CPXM2: variants seen among roughly 807,000 people sequenced by gnomAD.
The protein encoded by CPXM2 is carboxypeptidase X, M14 family member 2.
Under a neutral mutation model 86.1 loss-of-function variants are expected in CPXM2, and 66 were observed. That is an observed-to-expected ratio of 0.77 (90% CI 0.63 to 0.94). The LOEUF (loss-of-function observed/expected upper bound fraction) is 0.94. Among genes scored for constraint, CPXM2 ranks in the 40% least tolerant of loss-of-function variants. The probability of loss-of-function intolerance (pLI) is 0.00; values close to 1 mark genes in which losing one functional copy is unlikely to be tolerated. For synonymous variants in CPXM2, 388 were observed against 400.2 expected (o/e 0.97, Z 0.36); for missense variants, 948 against 1,026.3 (o/e 0.92, Z 1.04).
rs146535848 is a variant in CPXM2 at position 123,862,663 on chromosome 10, G to A, written c.464C>T (p.Thr155Met). 243 of 1,614,196 alleles carry A rather than the reference G, an allele frequency of 1.5e-4. No homozygotes were observed. Among genetic ancestry groups the A allele is most frequent in the East Asian group, 4.9e-4 (22 of 44,878 alleles). Residue 155 changes from threonine (T) to methionine (M), a missense_variant, in exon 3 of 14, where the codon ACG becomes ATG. Transcript: ENST00000241305. ...KITDFQLHAS[T>M]VKRYGLGAHR... ...TGCCCCCAGGCCATAGCGCTTCACC[G>A]TGGAGGCATGGAGCTGGAAGTCTGT...
intron 11 of CPXM2, among the ~76,000 whole-genome samples, chr10:123,760,875 C>T (rs1240450328): frequency 6.6e-6 from 1 of 152,198 alleles, no homozygotes; most frequent in Non-Finnish European, 1.5e-5. Context: ...CCCTGGATCA[C>T]ACAGCAGGGC....
At chr10:123,832,840 A>AAAAAAAAAAAAG (rs1251157015) in intron 4 of CPXM2, among the ~76,000 whole-genome samples, 1 of 151,826 alleles carries the variant, frequency 6.6e-6, no homozygotes, top group African/African-American at 2.4e-5. Context: ...AAAAAAAAGA[A>AAAAAAAAAAAAG]GTGGGTCTTT....
chr10:123,850,013 T>C (rs1396849810), intron 3 of CPXM2, among the ~76,000 whole-genome samples: 1 of 152,220 alleles, frequency 6.6e-6, no homozygotes, highest in Non-Finnish European at 1.5e-5. Context: ...TCAAACTTTA[T>C]ATAAATGAAA....
upstream of CPXM2, among the ~76,000 whole-genome samples, chr10:123,943,491 G>C (rs554698408): frequency 1.3e-4 from 20 of 152,326 alleles, no homozygotes; most frequent in African/African-American, 4.8e-4. Flanking sequence ...GCAGGGTTTG[G>C]GTGAGCAGCA....
chr10:123,773,892 G>A (rs1173375206), intron 7 of CPXM2, among the ~76,000 whole-genome samples: 1 of 152,238 alleles, frequency 6.6e-6, no homozygotes, highest in Non-Finnish European at 1.5e-5. Flanking sequence ...GCAAGTCACA[G>A]GAGAAAAGGC....
intron 4 of CPXM2, among the ~76,000 whole-genome samples, chr10:123,807,523 A>G (rs1271566563): frequency 6.6e-6 from 1 of 152,198 alleles, no homozygotes; most frequent in African/African-American, 2.4e-5. Flanking sequence ...TAACTTATAC[A>G]ACATTCCTTT....
At chr10:123,874,859 G>A (rs915642395) in intron 2 of CPXM2, among the ~76,000 whole-genome samples, 1 of 152,232 alleles carries the variant, frequency 6.6e-6, no homozygotes, top group Non-Finnish European at 1.5e-5. Flanking sequence ...TTGGGGTTAA[G>A]TGGCTGATAC....
chr10:123,891,517 G>A lies in CPXM2; in HGVS notation c.143C>T (p.Ala48Val), dbSNP rs768048796. The change falls in exon 1 of 14, where the codon GCG (alanine) becomes GTG (valine). Residue 48 changes from alanine to valine, a missense_variant. Ala to Val is a moderately conservative substitution (Grantham distance 64). Transcript: ENST00000241305. This position sits in a 1 kb window ranked among gnomAD's most constrained non-coding sequence, Gnocchi z 5.6. ...QEIWSREPYY[A>V]RPEPELETFS... ...GGTCTCGAGCTCGGGCTCCGGGCGC[G>A]CGTAGTAGGGCTCCCGGCTCCAGAT... 5.8e-6 allele frequency: 9 copies of A among 1,548,420 alleles called. No homozygotes were observed. The South Asian group carries it at 9.5e-5, about 16-fold the overall frequency.
chr10:123,750,118 C>G, intron 13 of CPXM2: 6 of 984,552 alleles, frequency 6.1e-6, no homozygotes, highest in Non-Finnish European at 7.2e-6. Flanking sequence ...CATGCCAGTT[C>G]TAGAGTTTAT....
chr10:123,814,235 C>T (rs1847761396), intron 4 of CPXM2, among the ~76,000 whole-genome samples: 1 of 152,172 alleles, frequency 6.6e-6, no homozygotes, highest in Non-Finnish European at 1.5e-5. Context: ...GAAAGACAGA[C>T]CCACCCTTAA....
chr10:123,809,968 T>C (rs1210242307), intron 4 of CPXM2, among the ~76,000 whole-genome samples: 3 of 151,932 alleles, frequency 2.0e-5, no homozygotes, highest in Non-Finnish European at 2.9e-5. Flanking sequence ...AGTTAATAGA[T>C]CATTAAGTTG....
chr10:123,930,230 C>G (rs554554678), intron 2 of CPXM2, among the ~76,000 whole-genome samples: 69 of 152,300 alleles, frequency 4.5e-4, no homozygotes, highest in Non-Finnish European at 7.9e-4. Flanking sequence ...AATCCCAGAC[C>G]CCTCTCCTGG....
At chr10:123,774,589 C>T (rs60540232) in intron 7 of CPXM2, among the ~76,000 whole-genome samples, 14,207 of 152,108 alleles carry the variant, frequency 0.093, 1,663 homozygotes, top group African/African-American at 0.28. Flanking sequence ...TTTACTATAG[C>T]CTGGCTTTTA....
At chr10:123,753,167 C>G (rs146787824) in intron 13 of CPXM2, among the ~76,000 whole-genome samples, 1 of 152,082 alleles carries the variant, frequency 6.6e-6, no homozygotes, top group Non-Finnish European at 1.5e-5. Context: ...ACAGAGGCGC[C>G]GCAGTGATGA....
At chr10:123,759,572 C>G (rs1215927984) in intron 11 of CPXM2, among the ~76,000 whole-genome samples, 1 of 152,184 alleles carries the variant, frequency 6.6e-6, no homozygotes, top group Non-Finnish European at 1.5e-5. Flanking sequence ...AATGCGACTT[C>G]CTGTCTGAAG....
intron 11 of CPXM2, among the ~76,000 whole-genome samples, chr10:123,760,101 C>T (rs1438757264): frequency 1.3e-5 from 2 of 152,078 alleles, no homozygotes; most frequent in East Asian, 1.9e-4. Flanking sequence ...ATGGCTCTGC[C>T]GTGAAGTCCC....
At chr10:123,900,915 T>A (rs896462379) in intron 2 of CPXM2, among the ~76,000 whole-genome samples, 1 of 152,212 alleles carries the variant, frequency 6.6e-6, no homozygotes, top group African/African-American at 2.4e-5. Context: ...CTGAATTGAA[T>A]GAATCGATCC....
chr10:123,941,352 C>T (rs1945775311), upstream of CPXM2, among the ~76,000 whole-genome samples: 1 of 152,158 alleles, frequency 6.6e-6, no homozygotes, highest in African/African-American at 2.4e-5. Flanking sequence ...CCTGGTGTTT[C>T]TCGGCTTACA....
At chr10:123,748,308 C>G (rs368841098) in intron 13 of CPXM2, among the ~76,000 whole-genome samples, 1 of 152,156 alleles carries the variant, frequency 6.6e-6, no homozygotes, top group African/African-American at 2.4e-5. Context: ...TGATCAAGTA[C>G]TAAGTAGGCC....
Sources: allele counts gnomAD v4.1 joint callset (sites outside exome capture counted in the v4.1 genomes callset), GRCh38; gene constraint gnomAD v4.1.1; non-coding constraint Gnocchi (gnomAD v3.1); transcripts MANE v1.5; gene names NCBI Gene and HGNC (gene_info 2026-07-23, HGNC 2026-07-21).